The following SEC61A2 variants were observed in gnomAD, a reference collection of about 807,000 sequenced individuals.
The protein encoded by SEC61A2 is SEC61 translocon subunit alpha 2.
Under a neutral mutation model 59.9 loss-of-function variants are expected in SEC61A2, and 28 were observed. The observed-to-expected ratio is 0.47, with a 90% CI of 0.35 to 0.64. The LOEUF is 0.64. Ranked by LOEUF, SEC61A2 falls within the 30% of genes least tolerant of loss-of-function variation. SEC61A2 has a pLI of 0.01. For missense variants in SEC61A2, 340 were observed against 585.9 expected, an observed-to-expected ratio of 0.58 and a Z score of 4.33; for synonymous variants, 202 against 214.4, an observed-to-expected ratio of 0.94 and a Z score of 0.50.
At chr10:12,131,368 C>T (rs1228939495) in intron 1 of SEC61A2, among the ~76,000 whole-genome samples, 2 of 152,144 alleles carry the variant, frequency 1.3e-5, no homozygotes, top group African/African-American at 4.8e-5. Flanking sequence ...TACCTAGCTG[C>T]GGCTTGTCTT....
chr10:12,165,732 C>A (rs1050677804), downstream of SEC61A2: 4 of 152,144 alleles, frequency 2.6e-5, no homozygotes, highest in African/African-American at 9.7e-5. Context: ...TATGGGTTTT[C>A]ATTGCTGTTT....
At chr10:12,136,277 A>G in intron 3 of SEC61A2, 107 bp downstream of exon 3, 2 of 679,358 alleles carry the variant, frequency 2.9e-6, no homozygotes, top group Non-Finnish European at 2.6e-6. Context: ...ATTGAGCTCA[A>G]TATATTGAGC....
At position 12,145,626 on chromosome 10, in the gene SEC61A2, T is replaced by C. The variant is rs1284681782; in HGVS notation, c.220+2431T>C. Reference sequence around the variant, plus strand: ...TTCTATAAGTGGAGTTTTATTAGTGTGTTAGATTCCTTTTGTTGTAAGTAA... The same window carrying C: ...TTCTATAAGTGGAGTTTTATTAGTGCGTTAGATTCCTTTTGTTGTAAGTAA... On this transcript the variant is annotated intron_variant, in intron 4 of 11. Transcript: ENST00000298428. The surrounding 1 kb of genome is among the most constrained non-coding windows in gnomAD (Gnocchi z 4.4). Among the ~76,000 whole-genome samples the C allele has an allele frequency of 1.3e-5, 2 of 152,214 alleles. No homozygotes were observed. The highest frequency in any genetic ancestry group is 4.8e-5 in the African/African-American group (2 of 41,456).
chr10:12,147,860 T>C (rs1430234713), intron 4 of SEC61A2, among the ~76,000 whole-genome samples: 2 of 152,146 alleles, frequency 1.3e-5, no homozygotes, highest in Non-Finnish European at 2.9e-5. Flanking sequence ...TCATTAAAGC[T>C]TGATTAAGTC....
rs557452259 is a variant in SEC61A2 at position 12,156,567 on chromosome 10, G to T, written c.617-340G>T. Among the ~76,000 whole-genome samples the T allele has an allele frequency of 2.8e-4, 42 of 152,294 alleles. No individual in the cohort carries two copies. The highest frequency in any genetic ancestry group is 3.4e-3 in the Middle Eastern group (1 of 294). On this transcript the variant is annotated intron_variant, in intron 7 of 11. Transcript: ENST00000298428. The surrounding 1 kb of genome is among the most constrained non-coding windows in gnomAD (Gnocchi z 5.2). The stretch of plus-strand genomic sequence containing the variant: ...TCTGACATCTCTGCTCTGCTTCGCT[G>T]CTGTTTATTTTTCCTAAAAACACTC...
rs560745720 is a variant in SEC61A2 at position 12,152,497 on chromosome 10, C to G, written c.462+2536C>G. ...AATAACTGTCAGATGTGGTGGCTCA[C>G]ACCTGTAATTCCAGCACTTTGAGAG... On this transcript the variant is annotated intron_variant, in intron 6 of 11. Transcript: ENST00000298428. The surrounding 1 kb of genome is among the most constrained non-coding windows in gnomAD (Gnocchi z 5.5). 5.3e-5 allele frequency among the ~76,000 whole-genome samples: 8 copies of G among 152,322 alleles called. No homozygotes were observed. The highest frequency in any genetic ancestry group is 2.0e-4 in the Admixed American group (3 of 15,298).
chr10:12,159,126 C>T (rs923302542), intron 9 of SEC61A2, among the ~76,000 whole-genome samples: 15 of 151,812 alleles, frequency 9.9e-5, no homozygotes, highest in Admixed American at 2.6e-4. Flanking sequence ...TACAGGCGCC[C>T]GCCACCACGC....
chr10:12,129,809 C>A lies in SEC61A2; in HGVS notation c.7+15C>A. On this transcript the variant is annotated intron_variant, in intron 1 of 11. Coordinates refer to ENST00000298428, the MANE Select transcript of SEC61A2 (RefSeq NM_018144.4). The surrounding 1 kb of genome is among the most constrained non-coding windows in gnomAD (Gnocchi z 5.6). Reference sequence around the variant, plus strand: ...AGCCATGGGCAGTGAGTAGCGGCGGCTGGAGCGGGGACTCTGGCTGGGAAC... The same window carrying A: ...AGCCATGGGCAGTGAGTAGCGGCGGATGGAGCGGGGACTCTGGCTGGGAAC... The A allele has an allele frequency of 7.0e-7, 1 of 1,423,676 alleles. No individual in the cohort carries two copies. The allele number at this position is 1,423,676 out of a possible 1,614,324, so 88.2% of individuals were successfully genotyped here. A position where few individuals can be genotyped will look rare whatever the true frequency, so the allele number is the denominator to read the frequency against.
rs1483576722 is a variant in SEC61A2, at chr10:12,142,028, A to G, written c.142-1089A>G. ...TTACTCCCAGACCCAGGGCTAATCT[A>G]TCATAGGGAAGGGGTGTATGTGCTT... is the stretch of plus-strand genomic sequence containing the variant. On this transcript the variant is annotated intron_variant, in intron 3 of 11. Transcript: ENST00000298428. The surrounding 1 kb of genome is among the most constrained non-coding windows in gnomAD (Gnocchi z 5.4). Among the ~76,000 whole-genome samples, 2 of 152,246 alleles carry G rather than the reference A, an allele frequency of 1.3e-5. No individual in the cohort carries two copies. Among genetic ancestry groups the G allele is most frequent in the East Asian group, 1.9e-4 (1 of 5,208 alleles).
chr10:12,141,522 TTAATGAAAA>T (rs1564409197), intron 3 of SEC61A2, among the ~76,000 whole-genome samples: 16 of 152,280 alleles, frequency 1.1e-4, no homozygotes, highest in African/African-American at 3.8e-4. Context: ...TGTTGTTGTT[TTAATGAAAA>T]GTTAATGTCC....
At position 12,162,520 on chromosome 10, in the gene SEC61A2, T is replaced by C; in HGVS notation, c.1244+231T>C. 1.4e-6 allele frequency: 1 copy of C among 694,074 alleles called. No homozygotes were observed. Among genetic ancestry groups the C allele is most frequent in the South Asian group, 1.4e-5 (1 of 70,850 alleles). The allele number at this position is 694,074 out of a possible 1,614,324, so 43.0% of individuals were successfully genotyped here. A position where few individuals can be genotyped will look rare whatever the true frequency, so the allele number is the denominator to read the frequency against. On this transcript the variant is annotated intron_variant, in intron 11 of 11. Coordinates refer to ENST00000298428, the MANE Select transcript of SEC61A2 (RefSeq NM_018144.4). This position sits in a 1 kb window ranked among gnomAD's most constrained non-coding sequence, Gnocchi z 6.1. ...CCAGTGATAAAATCTTGCAGATCAGTGCTGTTCTCAGCATTGGCTGGCTGC... is the reference window on the plus strand; with the variant it reads ...CCAGTGATAAAATCTTGCAGATCAGCGCTGTTCTCAGCATTGGCTGGCTGC...
chr10:12,169,221 C>T, downstream of SEC61A2: 1 of 1,404,138 alleles, frequency 7.1e-7, no homozygotes, highest in East Asian at 2.5e-5. This position sits in a 1 kb window ranked among gnomAD's most constrained non-coding sequence, Gnocchi z 4.8. Context: ...CTCTCCACCT[C>T]CCCTCACTTA....
chr10:12,129,730 G>A lies in SEC61A2; in HGVS notation c.-58G>A. ...CGGTACCGAGGCCCGAGCCGCGGGA[G>A]TCGAGCGAAGGCAGCGCCGAGGCCG... On this transcript the variant is annotated 5_prime_UTR_variant, in exon 1 of 12. Transcript: ENST00000298428. The surrounding 1 kb of genome is among the most constrained non-coding windows in gnomAD (Gnocchi z 5.6). 6.8e-7 allele frequency: 1 copy of A among 1,474,504 alleles called. No homozygotes were observed. The highest frequency in any genetic ancestry group is 9.0e-7 in the Non-Finnish European group (1 of 1,113,984). The allele number at this position is 1,474,504 out of a possible 1,614,324, so 91.3% of individuals were successfully genotyped here.
chr10:12,153,011 G>A lies in SEC61A2; in HGVS notation c.463-2767G>A, dbSNP rs1016562901. 4.6e-5 allele frequency among the ~76,000 whole-genome samples: 7 copies of A among 150,764 alleles called. No homozygotes were observed. The highest frequency in any genetic ancestry group is 1.7e-4 in the African/African-American group (7 of 40,958). The stretch of plus-strand genomic sequence containing the variant: ...GAGTCGGAGTTTGCAGTGAGCCGAG[G>A]TCACACCACTGCACTCCAGCCTGGG... On this transcript the variant is annotated intron_variant, in intron 6 of 11. Transcript: ENST00000298428. This position sits in a 1 kb window ranked among gnomAD's most constrained non-coding sequence, Gnocchi z 5.2.
chr10:12,167,934 A>G, downstream of SEC61A2: 7 of 1,445,852 alleles, frequency 4.8e-6, no homozygotes, highest in South Asian at 1.4e-5. Flanking sequence ...TGCTGGTGAT[A>G]ACGTTTTTTT....
chr10:12,155,658 T>C lies in SEC61A2; in HGVS notation c.463-120T>C, dbSNP rs1354197269. 1 of 1,153,482 alleles carries C rather than the reference T, an allele frequency of 8.7e-7. No individual in the cohort carries two copies. Among genetic ancestry groups the C allele is most frequent in the East Asian group, 2.3e-5 (1 of 42,612 alleles). 71.5% of individuals were successfully genotyped at this position (1,153,482 alleles called of 1,614,324 possible). On this transcript the variant is annotated intron_variant, in intron 6 of 11. Coordinates refer to ENST00000298428, the MANE Select transcript of SEC61A2 (RefSeq NM_018144.4). This position sits in a 1 kb window ranked among gnomAD's most constrained non-coding sequence, Gnocchi z 4.3. ...GATGCAGTTGGTCATCACAGTGAGATTGCAACGATCAGGCCTTAATATTCA... is the reference window on the plus strand; with the variant it reads ...GATGCAGTTGGTCATCACAGTGAGACTGCAACGATCAGGCCTTAATATTCA...
intron 1 of SEC61A2, among the ~76,000 whole-genome samples, chr10:12,130,465 G>A (rs1350061688): frequency 6.6e-6 from 1 of 152,136 alleles, no homozygotes; most frequent in East Asian, 1.9e-4. Flanking sequence ...GGCACCCATT[G>A]GCCAACTAGT....
At chr10:12,135,629 C>A (rs964388668) in intron 2 of SEC61A2, among the ~76,000 whole-genome samples, 3 of 152,144 alleles carry the variant, frequency 2.0e-5, no homozygotes, top group Non-Finnish European at 2.9e-5. Context: ...CTGTACCCTT[C>A]GGAGACTCCA....
intron 6 of SEC61A2, among the ~76,000 whole-genome samples, chr10:12,151,507 T>C (rs962092046): frequency 2.0e-5 from 3 of 151,676 alleles, no homozygotes; most frequent in African/African-American, 7.3e-5. Context: ...AGACAGGGTT[T>C]CACCATGTTG....
Sources: gnomAD v4.1 joint callset for allele counts (sites outside exome capture counted in the v4.1 genomes callset) on GRCh38, gnomAD v4.1.1 for gene constraint, Gnocchi (gnomAD v3.1) non-coding constraint, MANE v1.5 for transcripts, NCBI Gene and HGNC (gene_info 2026-07-23, HGNC 2026-07-21) for gene names.